GCNT1: variants seen among roughly 807,000 people sequenced by gnomAD.
The protein encoded by GCNT1 is glucosaminyl (N-acetyl) transferase 1.
A neutral mutation model predicts 26.2 loss-of-function variants in GCNT1; 16 were observed. That is an observed-to-expected ratio of 0.61 (90% CI 0.41 to 0.93). GCNT1 has a LOEUF of 0.93. Ranked by LOEUF, GCNT1 falls within the 40% of genes least tolerant of loss-of-function variation. GCNT1 has a pLI of 0.00. For synonymous variants in GCNT1, 183 were observed against 190.8 expected (o/e 0.96, Z 0.34); for missense variants, 477 against 526.7 (o/e 0.91, Z 0.92).
Position 76,504,807 on chromosome 9 carries a change from G to C in GCNT1, c.*1139G>C, listed in dbSNP as rs1825191518. The C allele has an allele frequency of 2.4e-6, 1 of 413,484 alleles. No individual in the cohort carries two copies. The highest frequency in any genetic ancestry group is 2.1e-5 in the African/African-American group (1 of 48,732). The allele number at this position is 413,484 out of a possible 1,614,324, so 25.6% of individuals were successfully genotyped here. On this transcript the variant is annotated 3_prime_UTR_variant, in exon 4 of 4. Transcript: ENST00000376730. ...TCTTCCCGTTACCTGCCCCCTGGGTGGTAAGTTTCCTCCTTTCTCAACCTT... is the reference window on the plus strand; with the variant it reads ...TCTTCCCGTTACCTGCCCCCTGGGTCGTAAGTTTCCTCCTTTCTCAACCTT...
At chr9:76,446,596 T>A (rs927022734) in intron 1 of GCNT1, among the ~76,000 whole-genome samples, 8 of 152,196 alleles carry the variant, frequency 5.3e-5, no homozygotes, top group African/African-American at 1.7e-4. Flanking sequence ...ATATGTTTTA[T>A]ATATGTGTGA....
chr9:76,452,557 G>T (rs1823688412), intron 1 of GCNT1, among the ~76,000 whole-genome samples: 1 of 152,114 alleles, frequency 6.6e-6, no homozygotes, highest in Non-Finnish European at 1.5e-5. Flanking sequence ...CATGATGCAA[G>T]TTGAAGGGGA....
intron 2 of GCNT1, among the ~76,000 whole-genome samples, chr9:76,495,341 T>A (rs941374067): frequency 1.3e-5 from 2 of 152,122 alleles, no homozygotes; most frequent in Non-Finnish European, 2.9e-5. Context: ...GCTGACTTCA[T>A]GAGTGAAGCC....
intron 2 of GCNT1, among the ~76,000 whole-genome samples, chr9:76,489,003 AC>A (rs11329203): frequency 0.21 from 32,250 of 152,008 alleles, 3,680 homozygotes; most frequent in Middle Eastern, 0.32. Flanking sequence ...GACTGGAGTT[AC>A]TAGGGGCTGT....
the GCNT1 span, among the ~76,000 whole-genome samples, chr9:76,411,805 G>A: frequency 2.1e-5 from 3 of 144,252 alleles, no homozygotes; most frequent in African/African-American, 5.2e-5. Flanking sequence ...GGGTTAAAGC[G>A]ATTCTCCTAC....
chr9:76,491,630 C>T (rs1824739845), intron 2 of GCNT1, among the ~76,000 whole-genome samples: 1 of 152,164 alleles, frequency 6.6e-6, no homozygotes, highest in Admixed American at 6.5e-5. Context: ...GTGGCATAAC[C>T]TGCCCTTCAT....
In GCNT1 at chr9:76,473,832, G is replaced by A. The variant is rs113280013; in HGVS notation, c.-290+13655G>A. ...GAGAAAATATTCAGGACTGGGCACA[G>A]TGGCTCACACCTATCATCCCAGCAC... On this transcript the variant is annotated intron_variant, in intron 2 of 3. Transcript: ENST00000376730. Among the ~76,000 whole-genome samples, 1,411 of 152,318 alleles carry A rather than the reference G, an allele frequency of 9.3e-3. 21 individuals carry two copies. Among genetic ancestry groups the A allele is most frequent in the African/African-American group, 0.032 (1,344 of 41,580 alleles).
At chr9:76,403,541 A>C in the GCNT1 span, among the ~76,000 whole-genome samples, 1 of 152,212 alleles carries the variant, frequency 6.6e-6, no homozygotes, top group Non-Finnish European at 1.5e-5. Flanking sequence ...TGAAATAAGA[A>C]CTGCAAATGG....
At chr9:76,398,037 A>G in the GCNT1 span, among the ~76,000 whole-genome samples, 2 of 152,216 alleles carry the variant, frequency 1.3e-5, no homozygotes, top group Non-Finnish European at 2.9e-5. Flanking sequence ...GAAGTATTCT[A>G]AAACGTGTTT....
chr9:76,472,979 C>T (rs1350719647), intron 2 of GCNT1, among the ~76,000 whole-genome samples: 1 of 152,004 alleles, frequency 6.6e-6, no homozygotes, highest in Non-Finnish European at 1.5e-5. Context: ...GAATTCCTGA[C>T]CTCAGATGAT....
intron 1 of GCNT1, among the ~76,000 whole-genome samples, chr9:76,451,951 T>TC (rs1374613718): frequency 3.6e-5 from 3 of 82,544 alleles, no homozygotes; most frequent in African/African-American, 5.5e-5. Context: ...TTTCTTTCTT[T>TC]TTTTTTTTTT....
At chr9:76,425,055 C>T (rs947442027) in intron 1 of GCNT1, among the ~76,000 whole-genome samples, 4 of 142,802 alleles carry the variant, frequency 2.8e-5, no homozygotes, top group South Asian at 2.4e-4. Context: ...AGGAGAATGG[C>T]GTGAACCCAG....
intron 2 of GCNT1, among the ~76,000 whole-genome samples, chr9:76,481,789 C>G (rs1824429116): frequency 6.6e-6 from 1 of 152,132 alleles, no homozygotes; most frequent in South Asian, 2.1e-4. Flanking sequence ...GACACAGACT[C>G]CTGGGCCAGA....
At chr9:76,436,850 AT>A (rs1251281281), upstream of GCNT1, among the ~76,000 whole-genome samples, 1 of 152,122 alleles carries the variant, frequency 6.6e-6, no homozygotes, top group Non-Finnish European at 1.5e-5. Context: ...GGTAAGAGAG[AT>A]TGTCAGACAG....
the GCNT1 span, among the ~76,000 whole-genome samples, chr9:76,412,997 A>G: frequency 2.0e-5 from 3 of 152,166 alleles, no homozygotes; most frequent in East Asian, 1.9e-4. Flanking sequence ...TGGGTTCCTC[A>G]TTCTCTCTCT....
intron 2 of GCNT1, among the ~76,000 whole-genome samples, chr9:76,465,743 T>C (rs918584749): frequency 1.3e-5 from 2 of 151,972 alleles, no homozygotes; most frequent in African/African-American, 4.8e-5. Flanking sequence ...TAATGACAGG[T>C]GAGGATTGAG....
intron 2 of GCNT1, among the ~76,000 whole-genome samples, chr9:76,480,193 T>A (rs1824381581): frequency 1.3e-5 from 2 of 152,180 alleles, no homozygotes; most frequent in Non-Finnish European, 1.5e-5. Flanking sequence ...CTGAGGGCTC[T>A]GTTCTGTTCC....
chr9:76,459,863 C>A (rs1045291138), intron 1 of GCNT1, among the ~76,000 whole-genome samples, 197 bp from the exon 2 acceptor site: 1 of 152,184 alleles, frequency 6.6e-6, no homozygotes, highest in Admixed American at 6.5e-5. Flanking sequence ...CGCTTTCCTT[C>A]TTCTCGCGGC....
At chr9:76,399,249 G>A in the GCNT1 span, 12 of 1,475,332 alleles carry the variant, frequency 8.1e-6, no homozygotes, top group Admixed American at 5.0e-5. Context: ...GAAGTTCTGC[G>A]CATGTGTAGC....
Sources: gnomAD v4.1 joint callset for allele counts (sites outside exome capture counted in the v4.1 genomes callset) on GRCh38, gnomAD v4.1.1 for gene constraint, MANE v1.5 for transcripts, NCBI Gene and HGNC (gene_info 2026-07-23, HGNC 2026-07-21) for gene names.